Variants in NOP53 observed in about 807,000 individuals in gnomAD.
NOP53 encodes the protein NOP53 ribosome biogenesis factor, also known as ribosome biogenesis protein NOP53.
A neutral mutation model predicts 61.0 loss-of-function variants in NOP53; 40 were observed. The ratio of observed to expected loss-of-function variants is 0.66; its 90% CI spans 0.51 to 0.85. NOP53 has a LOEUF of 0.85. NOP53 is among the 40% of genes least tolerant of loss of function. The pLI is 0.00. For synonymous variants in NOP53, 308 were observed against 289.5 expected (o/e 1.06, Z -0.65); for missense variants, 689 against 652.9 (o/e 1.06, Z -0.60).
At chr19:47,750,549 G>A (rs1967111807) in intron 3 of NOP53, among the ~76,000 whole-genome samples, 1 of 152,112 alleles carries the variant, frequency 6.6e-6, no homozygotes, top group South Asian at 2.1e-4. Context: ...GGCACATCAG[G>A]TGGGTCTTGG....
In NOP53 at chr19:47,755,740, C is replaced by T; in HGVS notation, c.1230-16C>T. 6.2e-7 allele frequency: 1 copy of T among 1,604,700 alleles called. No homozygotes were observed. The highest frequency in any genetic ancestry group is 8.5e-7 in the Non-Finnish European group (1 of 1,176,128). ...CCGCGGGGGTGATATTTCTGAACAC[C>T]CGCCCTGTTCTGCAGGTACCAGGCA... On this transcript the variant is annotated splice_polypyrimidine_tract_variant and intron_variant, in intron 9 of 12. Coordinates refer to ENST00000246802, the MANE Select transcript of NOP53 (RefSeq NM_015710.5).
intron 1 of NOP53, chr19:47,746,125 T>C (rs1967060645): frequency 3.2e-6 from 1 of 309,812 alleles, no homozygotes; most frequent in Admixed American, 4.7e-5. Flanking sequence ...TATATATGTG[T>C]GTGTATATAT....
At chr19:47,751,702 A>G in intron 5 of NOP53, 112 bp downstream of exon 5, 1 of 834,520 alleles carries the variant, frequency 1.2e-6, no homozygotes, top group Admixed American at 2.0e-5. Flanking sequence ...CCAGTGGCCG[A>G]GAACTCTGTG....
chr19:47,749,988 G>C (rs757767906), intron 2 of NOP53, among the ~76,000 whole-genome samples, 190 bp from the exon 3 acceptor site: 1 of 152,100 alleles, frequency 6.6e-6, no homozygotes, highest in Non-Finnish European at 1.5e-5. Flanking sequence ...GGTTGTGGAG[G>C]GTCAGAGCTT....
Position 47,754,853 on chromosome 19 carries a change from G to A in NOP53, c.1015G>A (p.Glu339Lys). ...ARLATTEKKT[E>K]QQRRREKAVH... is the part of the protein sequence containing the mutation. Reference sequence around the variant, plus strand: ...CCTGGCCACCACAGAGAAGAAGACGGAGCAGCAGCGGCGGCGGGAGAAGGC... The same window carrying A: ...CCTGGCCACCACAGAGAAGAAGACGAAGCAGCAGCGGCGGCGGGAGAAGGC... The change falls in exon 8 of 13, where the codon GAG (glutamate) becomes AAG (lysine). Residue 339 changes from glutamate to lysine, a missense_variant. Physicochemically the swap from Glu to Lys is moderately conservative, Grantham distance 56. Transcript: ENST00000246802. This position sits in a 1 kb window ranked among gnomAD's most constrained non-coding sequence, Gnocchi z 4.2. 6.5e-7 allele frequency: 1 copy of A among 1,537,060 alleles called. No homozygotes were observed. The highest frequency in any genetic ancestry group is 2.4e-5 in the Admixed American group (1 of 41,432).
intron 10 of NOP53, chr19:47,756,200 C>T (rs1967195815): frequency 1.5e-5 from 8 of 520,116 alleles, no homozygotes; most frequent in South Asian, 1.0e-4. Flanking sequence ...TGGGCCGACC[C>T]GGCCGTGGGG....
intron 3 of NOP53, among the ~76,000 whole-genome samples, chr19:47,750,593 T>C: frequency 6.6e-6 from 1 of 152,016 alleles, no homozygotes; most frequent in African/African-American, 2.4e-5. Context: ...ACAGCTGGCC[T>C]TCCCCTGAGA....
At chr19:47,751,681 G>A in intron 5 of NOP53, 91 bp downstream of exon 5, 1 of 1,007,472 alleles carries the variant, frequency 9.9e-7, no homozygotes. Context: ...CTGTCTCAGA[G>A]CCCTTCCATC....
rs766813811 is a variant in NOP53 at position 47,750,918 on chromosome 19, C to T, written c.409C>T (p.His137Tyr). The T allele has an allele frequency of 2.5e-6, 4 of 1,590,414 alleles. No homozygotes were observed. Among genetic ancestry groups the T allele is most frequent in the African/African-American group, 1.3e-5 (1 of 74,788 alleles). The part of the protein sequence containing the change: ...KVPAPKDVLA[H>Y]QVPNAKKLRR... ...CCTCTCCCCGACCAGCGTCCTCGCC[C>T]ACCAGGTCCCCAACGCCAAGAAGCT... Residue 137 changes from histidine to tyrosine, a missense_variant, in exon 4 of 13, where the codon CAC becomes TAC. Coordinates refer to ENST00000246802, the MANE Select transcript of NOP53 (RefSeq NM_015710.5).
At position 47,755,478 on chromosome 19, in the gene NOP53, G is replaced by A. The variant is rs1016797477; in HGVS notation, c.1184G>A (p.Arg395Gln). The change falls in exon 9 of 13, where the codon CGG (arginine) becomes CAG (glutamine). Residue 395 changes from arginine to glutamine, a missense_variant. Physicochemically the swap from Arg to Gln is conservative, Grantham distance 43. Coordinates refer to ENST00000246802, the MANE Select transcript of NOP53 (RefSeq NM_015710.5). ...CGGCGGCAGAGGCGGCGGCAGGCGC[G>A]GCGGGAGGCTGAGGCTGACAAGCCC... ...LARRQRRRQA[R>Q]REAEADKPRR... 2.3e-5 allele frequency: 34 copies of A among 1,485,562 alleles called. No individual in the cohort carries two copies. Among genetic ancestry groups the A allele is most frequent in the East Asian group, 1.3e-4 (5 of 39,116 alleles). 92.0% of individuals were successfully genotyped at this position (1,485,562 alleles called of 1,614,324 possible).
chr19:47,745,862 TC>T, intron 1 of NOP53, 79 bp downstream of exon 1: 1 of 536 alleles, frequency 1.9e-3, no homozygotes, highest in African/African-American at 0.019. Flanking sequence ...CGTGGACTCG[TC>T]GGGGGTCGGG....
chr19:47,748,065 C>A lies in NOP53; in HGVS notation c.289+1034C>A, dbSNP rs2123671070. Among the ~76,000 whole-genome samples, 2 of 151,924 alleles carry A rather than the reference C, an allele frequency of 1.3e-5. 1 individual carries two copies. Among genetic ancestry groups the A allele is most frequent in the South Asian group, 4.2e-4 (2 of 4,796 alleles). On this transcript the variant is annotated intron_variant, in intron 2 of 12. Coordinates refer to ENST00000246802, the MANE Select transcript of NOP53 (RefSeq NM_015710.5). ...AAAGTGCTGGGATTACAGGCATGAG[C>A]CACCACGCCTGGTCAAGCCTGGCTA...
In NOP53 at chr19:47,754,848, A is replaced by C. The variant is rs753630824; in HGVS notation, c.1010A>C (p.Lys337Thr). The C allele has an allele frequency of 9.1e-6, 14 of 1,540,422 alleles. No individual in the cohort carries two copies. Among genetic ancestry groups the C allele is most frequent in the Admixed American group, 4.8e-5 (2 of 42,008 alleles). ...GCCCGCCTGGCCACCACAGAGAAGA[A>C]GACGGAGCAGCAGCGGCGGCGGGAG... is the stretch of plus-strand genomic sequence containing the variant. ...TPARLATTEK[K>T]TEQQRRREKA... The change falls in exon 8 of 13, where the codon AAG becomes ACG. Residue 337 changes from lysine to threonine, a missense_variant. Transcript: ENST00000246802. This position sits in a 1 kb window ranked among gnomAD's most constrained non-coding sequence, Gnocchi z 4.2.
intron 1 of NOP53, 52 bp downstream of exon 1, chr19:47,745,835 A>G (rs1354498106): frequency 1.0e-6 from 1 of 975,254 alleles, no homozygotes; most frequent in Non-Finnish European, 1.3e-6. Context: ...GCCCAGGTGC[A>G]AGGCCAGGCG....
Position 47,745,726 on chromosome 19 carries a change from T to C in NOP53, c.167T>C (p.Leu56Pro), listed in dbSNP as rs1165340448. The C allele has an allele frequency of 2.4e-5, 39 of 1,609,798 alleles. No individual in the cohort carries two copies. The highest frequency in any genetic ancestry group is 3.1e-5 in the Non-Finnish European group (36 of 1,178,176). ...TGGCGGCGGCTTGCTCAGGAGCCGC[T>C]GGGGCTGGAGGTTGACCAGTTCCTG... The part of the protein sequence containing the change: ...RGWRRLAQEP[L>P]GLEVDQFLED... Residue 56 changes from leucine (L) to proline (P), a missense_variant, in exon 1 of 13, where the codon CTG becomes CCG. Physicochemically the swap from Leu to Pro is moderately conservative, Grantham distance 98. Transcript: ENST00000246802.
intron 10 of NOP53, 58 bp from the exon 11 acceptor site, chr19:47,756,470 G>A (rs1309387467): frequency 3.5e-6 from 5 of 1,424,054 alleles, no homozygotes; most frequent in East Asian, 2.3e-5. Flanking sequence ...CCCGAGGAGA[G>A]GTCCAGGCCC....
intron 2 of NOP53, among the ~76,000 whole-genome samples, chr19:47,747,397 T>A (rs968168554): frequency 2.6e-5 from 4 of 151,762 alleles, no homozygotes; most frequent in South Asian, 4.2e-4. Context: ...TTCCCAGTAC[T>A]TTGGGAGGCT....
Position 47,746,063 on chromosome 19 carries a change from T to G in NOP53, c.224+280T>G. Reference sequence around the variant, plus strand: ...TGAATAATTTTTAGCATAAATACGTTCCATGCATCCACCTTAGCTTGCTGT... The same window carrying G: ...TGAATAATTTTTAGCATAAATACGTGCCATGCATCCACCTTAGCTTGCTGT... On this transcript the variant is annotated intron_variant, in intron 1 of 12. Coordinates refer to ENST00000246802, the MANE Select transcript of NOP53 (RefSeq NM_015710.5). 6.3e-6 allele frequency: 3 copies of G among 477,026 alleles called. 1 individual carries two copies. Among genetic ancestry groups the G allele is most frequent in the Non-Finnish European group, 1.1e-5 (3 of 269,724 alleles). The allele number at this position is 477,026 out of a possible 1,614,324, so 29.5% of individuals were successfully genotyped here.
Position 47,756,691 on chromosome 19 carries a change from C to A in NOP53, c.1377C>A (p.Phe459Leu). The change falls in exon 12 of 13, where the codon TTC becomes TTA. Residue 459 changes from phenylalanine (F) to leucine (L), a missense_variant. Physicochemically the swap from Phe to Leu is conservative, Grantham distance 22. Coordinates refer to ENST00000246802, the MANE Select transcript of NOP53 (RefSeq NM_015710.5). ...NMIEPRERAK[F>L]KRKYKVKLVE... Reference sequence around the variant, plus strand: ...TGCTCCATTGTCCCTGCTCCAGGTTCAAACGCAAGTACAAGGTGAAGCTGG... The same window carrying A: ...TGCTCCATTGTCCCTGCTCCAGGTTAAAACGCAAGTACAAGGTGAAGCTGG... 6.2e-7 allele frequency: 1 copy of A among 1,613,934 alleles called. No individual in the cohort carries two copies. The highest frequency in any genetic ancestry group is 8.5e-7 in the Non-Finnish European group (1 of 1,180,018).
Sources: gnomAD v4.1 joint callset for allele counts (sites outside exome capture counted in the v4.1 genomes callset) on GRCh38, gnomAD v4.1.1 for gene constraint, Gnocchi (gnomAD v3.1) non-coding constraint, MANE v1.5 for transcripts, NCBI Gene and HGNC (gene_info 2026-07-23, HGNC 2026-07-21) for gene names.